Variants in NUDT6 observed in about 807,000 individuals in gnomAD.
NUDT6 encodes the protein nudix hydrolase 6.
In NUDT6, 24 loss-of-function variants were observed where a neutral mutation model predicts 36.8. That is an observed-to-expected ratio of 0.65 (90% CI 0.47 to 0.92). The LOEUF (loss-of-function observed/expected upper bound fraction) is 0.92, where lower values mean the gene tolerates loss of function less well. Among genes scored for constraint, NUDT6 ranks in the 40% least tolerant of loss-of-function variants. The pLI is 0.00. For missense variants in NUDT6, 388 were observed against 392.8 expected (o/e 0.99, Z 0.10); for synonymous variants, 163 against 157.0 (o/e 1.04, Z -0.29).
At chr4:122,913,555 C>T (rs142140300) in intron 2 of NUDT6, among the ~76,000 whole-genome samples, 1 of 152,174 alleles carries the variant, frequency 6.6e-6, no homozygotes, top group Non-Finnish European at 1.5e-5. Context: ...ACTATGCATA[C>T]AACACAGGCT....
Position 122,917,694 on chromosome 4 carries a change from C to T in NUDT6, c.249G>A (p.Gln83=). 1 of 1,614,052 alleles carries T rather than the reference C, an allele frequency of 6.2e-7. No individual in the cohort carries two copies. Among genetic ancestry groups the T allele is most frequent in the South Asian group, 1.1e-5 (1 of 91,076 alleles). The change falls in exon 2 of 5, where the codon CAG becomes CAA. Residue 83 remains glutamine (Q), a synonymous_variant. Coordinates refer to ENST00000304430, the MANE Select transcript of NUDT6 (RefSeq NM_007083.5). The part of the protein sequence containing the change: ...AFQKGLQAAV[Q]QWRSEGRTAV... ...CTGTTCTACCTTCTGATCGCCATTG[C>T]TGTACTGCAGCTAAATGCAGAAGAA...
chr4:122,893,111 A>AT lies in NUDT6; in HGVS notation c.667dup (p.Met223AsnfsTer25), dbSNP rs1560762180. ...TGGCTTTAGGCGGCAGATGATATAC[A>AT]TATCTGACTTCCCAAAAGCTCCAGG... On this transcript the variant is annotated frameshift_variant, in exon 5 of 5. Transcript: ENST00000304430. LOFTEE classifies it high-confidence loss of function. The AT allele has an allele frequency of 1.6e-5, 26 of 1,614,210 alleles. No individual in the cohort carries two copies. Among genetic ancestry groups the AT allele is most frequent in the Non-Finnish European group, 2.1e-5 (25 of 1,180,040 alleles).
At chr4:122,914,104 T>C (rs1727782553) in intron 2 of NUDT6, among the ~76,000 whole-genome samples, 1 of 152,104 alleles carries the variant, frequency 6.6e-6, no homozygotes, top group Admixed American at 6.6e-5. Flanking sequence ...GGTATGTGTG[T>C]GGGGAGGCGC....
In NUDT6 at chr4:122,916,665, C is replaced by T. The variant is rs1203555084; in HGVS notation, c.442+836G>A. Among the ~76,000 whole-genome samples the T allele has an allele frequency of 2.0e-5, 3 of 152,130 alleles. No homozygotes were observed. The East Asian group carries it at 5.8e-4, about 29-fold the overall frequency. The stretch of plus-strand genomic sequence containing the variant: ...CTGTGCGTCTGTCTACTGATTGAGG[C>T]AAACTTCATCTATTTAAAAGCACTA... On this transcript the variant is annotated intron_variant, in intron 2 of 4. Transcript: ENST00000304430.
chr4:122,922,356 C>A lies in NUDT6; in HGVS notation c.217G>T (p.Ala73Ser), dbSNP rs202184714. 2 of 1,602,472 alleles carry A rather than the reference C, an allele frequency of 1.2e-6. No homozygotes were observed. Among genetic ancestry groups the A allele is most frequent in the African/African-American group, 2.7e-5 (2 of 74,996 alleles). Residue 73 changes from alanine to serine, a missense_variant, in exon 1 of 5, where the codon GCC (alanine) becomes TCC (serine). Coordinates refer to ENST00000304430, the MANE Select transcript of NUDT6 (RefSeq NM_007083.5). ...TTGCCCTGCAAGCCCTTCTGGAAGG[C>A]GGCAGCGTCCAGGCGGTCCAGCGCA... ...LDALDRLDAA[A>S]FQKGLQAAVQ... is the part of the protein sequence containing the mutation.
At position 122,913,615 on chromosome 4, in the gene NUDT6, C is replaced by T. The variant is rs529165787; in HGVS notation, c.443-992G>A. 2.0e-5 allele frequency among the ~76,000 whole-genome samples: 3 copies of T among 152,292 alleles called. No individual in the cohort carries two copies. In the South Asian group the frequency reaches 6.2e-4, roughly 32 times the overall value. ...AAATATCTCAATATTCATTTCAAGA[C>T]CTTTCTGAAGCCAATTAAATTTTCT... is the stretch of plus-strand genomic sequence containing the variant. On this transcript the variant is annotated intron_variant, in intron 2 of 4. Transcript: ENST00000304430.
intron 2 of NUDT6, among the ~76,000 whole-genome samples, chr4:122,914,138 T>C (rs1305979375): frequency 6.6e-6 from 1 of 152,114 alleles, no homozygotes; most frequent in Non-Finnish European, 1.5e-5. Context: ...AAATAAATTA[T>C]ATAGAATATT....
intron 2 of NUDT6, among the ~76,000 whole-genome samples, chr4:122,915,753 C>T (rs147827531): frequency 5.7e-4 from 87 of 152,200 alleles, no homozygotes; most frequent in African/African-American, 2.0e-3. Flanking sequence ...AGTCTGTGCC[C>T]GTGAATGATA....
At chr4:122,906,767 A>C (rs1727624483) in intron 3 of NUDT6, among the ~76,000 whole-genome samples, 1 of 152,218 alleles carries the variant, frequency 6.6e-6, no homozygotes, top group Admixed American at 6.5e-5. Flanking sequence ...GACACAGGTC[A>C]TAAAGACCTT....
At chr4:122,912,776 A>G (rs1027426345) in intron 2 of NUDT6, among the ~76,000 whole-genome samples, 153 bp from the exon 3 acceptor site, 5 of 152,334 alleles carry the variant, frequency 3.3e-5, no homozygotes. Flanking sequence ...AAAATGTTTC[A>G]GAGCAGAAGT....
At chr4:122,917,854 A>G in intron 1 of NUDT6, 150 bp from the exon 2 acceptor site, 3 of 643,034 alleles carry the variant, frequency 4.7e-6, no homozygotes, top group Non-Finnish European at 8.0e-6. Flanking sequence ...CACTGGAAGT[A>G]CCATGTTTTA....
chr4:122,904,480 A>C (rs1727580836), intron 3 of NUDT6, among the ~76,000 whole-genome samples: 3 of 150,036 alleles, frequency 2.0e-5, no homozygotes, highest in Non-Finnish European at 4.4e-5. Flanking sequence ...TTTTTTTTAG[A>C]CAGAGTCTTG....
intron 2 of NUDT6, 90 bp from the exon 3 acceptor site, chr4:122,912,713 T>C: frequency 1.2e-6 from 1 of 817,722 alleles, no homozygotes; most frequent in Non-Finnish European, 2.0e-6. Flanking sequence ...GTGATAAAAA[T>C]TCTACCCATA....
chr4:122,901,944 T>C (rs1025508931), intron 3 of NUDT6, among the ~76,000 whole-genome samples: 45 of 152,226 alleles, frequency 3.0e-4, no homozygotes, highest in African/African-American at 1.1e-3. Flanking sequence ...ACAGACCTGC[T>C]AGCCTTTTCC....
At chr4:122,896,865 C>A (rs1410143246) in intron 4 of NUDT6, 1 of 152,082 alleles carries the variant, frequency 6.6e-6, no homozygotes, top group East Asian at 1.9e-4. Context: ...AGGAAAAGGT[C>A]ATGGAGAAAT....
chr4:122,909,617 T>TCTGTGCACTACAGGCTGGTA (rs149149661), intron 3 of NUDT6, among the ~76,000 whole-genome samples: 6,714 of 152,226 alleles, frequency 0.044, 482 homozygotes, highest in African/African-American at 0.15. Flanking sequence ...AACAGAGCCT[T>TCTGTGCACTACAGGCTGGTA]CTGTGCACTA....
intron 4 of NUDT6, 109 bp from the exon 5 acceptor site, chr4:122,893,334 C>T (rs1401308744): frequency 9.6e-7 from 1 of 1,045,458 alleles, no homozygotes; most frequent in Non-Finnish European, 1.3e-6. Flanking sequence ...AAACATTACC[C>T]TAACAAAGTA....
intron 3 of NUDT6, among the ~76,000 whole-genome samples, chr4:122,908,580 C>T (rs1727670470): frequency 6.6e-6 from 1 of 152,198 alleles, no homozygotes; most frequent in Admixed American, 6.5e-5. Context: ...CTGCCTCCCT[C>T]AAACTTATTA....
intron 4 of NUDT6, chr4:122,897,237 C>G (rs1171045571): frequency 3.0e-5 from 5 of 168,286 alleles, no homozygotes; most frequent in Non-Finnish European, 6.3e-5. Flanking sequence ...TACTATTCAT[C>G]CTCTGTGATG....
Sources: gnomAD v4.1 joint callset for allele counts (sites outside exome capture counted in the v4.1 genomes callset) on GRCh38, gnomAD v4.1.1 for gene constraint, MANE v1.5 for transcripts, NCBI Gene and HGNC (gene_info 2026-07-23, HGNC 2026-07-21) for gene names.